Variants in CHRDL1 observed in about 807,000 individuals in gnomAD.
CHRDL1 encodes the protein chordin-like protein 1.
A neutral mutation model predicts 40.9 loss-of-function variants in CHRDL1; 19 were observed. That is an observed-to-expected ratio of 0.46 (90% CI 0.32 to 0.68). The LOEUF (loss-of-function observed/expected upper bound fraction) is 0.68. Among genes scored for constraint, CHRDL1 ranks in the 30% least tolerant of loss-of-function variants. CHRDL1 has a pLI of 0.03. For synonymous variants in CHRDL1, 136 were observed against 123.4 expected, an observed-to-expected ratio of 1.10 and a Z score of -0.68; for missense variants, 329 against 352.1, an observed-to-expected ratio of 0.93 and a Z score of 0.53.
chrX:110,739,951 T>G (rs2071332194), intron 4 of CHRDL1, among the ~76,000 whole-genome samples: 1 of 112,594 alleles, frequency 8.9e-6, no homozygotes, highest in Non-Finnish European at 1.9e-5. Flanking sequence ...AGGTCCAATT[T>G]TTCTCAGGCT....
chrX:110,759,637 A>G (rs1422783675), intron 4 of CHRDL1, 24 bp downstream of exon 4: 1 of 1,062,528 alleles, frequency 9.4e-7, no homozygotes, highest in Admixed American at 2.2e-5. Flanking sequence ...CACAGCTAGG[A>G]AAGAAAGAGA....
chrX:110,689,072 GTATATATATATATATATATATATA>G (rs758293619), intron 8 of CHRDL1, among the ~76,000 whole-genome samples: 2 of 31,191 alleles, frequency 6.4e-5, no homozygotes, highest in Non-Finnish European at 4.7e-5. Flanking sequence ...ATATATATAT[GTATATATATATATATATATATATA>G]TATATATATA....
chrX:110,758,818 A>T (rs188995992), intron 4 of CHRDL1, among the ~76,000 whole-genome samples: 2 of 111,927 alleles, frequency 1.8e-5, no homozygotes, highest in Admixed American at 1.9e-4. Flanking sequence ...GGGTTCTCTG[A>T]CCCTCAAAAG....
chrX:110,708,839 C>A (rs975327747), intron 6 of CHRDL1, among the ~76,000 whole-genome samples: 20 of 111,325 alleles, frequency 1.8e-4, no homozygotes, highest in African/African-American at 6.2e-4. Context: ...GAAACAGAAT[C>A]TTTGCTTCTC....
intron 8 of CHRDL1, among the ~76,000 whole-genome samples, chrX:110,689,464 A>C (rs1376033334): frequency 7.7e-5 from 4 of 52,287 alleles, no homozygotes; most frequent in African/African-American, 5.1e-4. Context: ...ATATCTATAT[A>C]TATCTATATA....
Position 110,675,216 on chromosome X carries a change from G to A in CHRDL1, c.*1015C>T, listed in dbSNP as rs2069749060. The stretch of plus-strand genomic sequence containing the variant: ...ATAATTTTTCTGACCAGACAACTAT[G>A]GTCTCAAAAATATTAGTGAGTACTG... On this transcript the variant is annotated 3_prime_UTR_variant, in exon 12 of 12. Coordinates refer to ENST00000372042, the MANE Select transcript of CHRDL1 (RefSeq NM_001143981.2). 1 of 111,516 alleles carries A rather than the reference G, an allele frequency of 9.0e-6. No individual in the cohort carries two copies. Among genetic ancestry groups the A allele is most frequent in the African/African-American group, 3.3e-5 (1 of 30,700 alleles). The allele number at this position is 111,516 out of a possible 1,213,427, so 9.2% of individuals were successfully genotyped here.
chrX:110,733,018 A>C (rs1454387616), intron 4 of CHRDL1, among the ~76,000 whole-genome samples: 2 of 112,390 alleles, frequency 1.8e-5, no homozygotes, highest in African/African-American at 6.5e-5. Context: ...GAAGCAACAT[A>C]CAACAAAGTC....
intron 7 of CHRDL1, among the ~76,000 whole-genome samples, chrX:110,700,304 C>A (rs780542983): frequency 9.0e-5 from 10 of 111,291 alleles, no homozygotes; most frequent in Non-Finnish European, 1.3e-4. Flanking sequence ...ATGGTTGTAT[C>A]CTACAACCCT....
At chrX:110,711,627 G>C (rs998072666) in intron 6 of CHRDL1, among the ~76,000 whole-genome samples, 5 of 111,947 alleles carry the variant, frequency 4.5e-5, no homozygotes, top group Non-Finnish European at 9.4e-5. Context: ...ATTTGGATTT[G>C]CTGTTATTTT....
intron 8 of CHRDL1, among the ~76,000 whole-genome samples, chrX:110,689,072 GTATATATATATATATATATA>G (rs758293619): frequency 6.4e-5 from 2 of 31,164 alleles, no homozygotes; most frequent in African/African-American, 4.9e-4. Context: ...ATATATATAT[GTATATATATATATATATATA>G]TATATATATA....
At chrX:110,747,159 T>A (rs1240598629) in intron 4 of CHRDL1, among the ~76,000 whole-genome samples, 1 of 110,812 alleles carries the variant, frequency 9.0e-6, no homozygotes, top group African/African-American at 3.3e-5. Context: ...CCAGCCTGAC[T>A]TCCTGGAAGC....
chrX:110,703,053 G>C (rs1218715143), intron 6 of CHRDL1, among the ~76,000 whole-genome samples: 4 of 111,996 alleles, frequency 3.6e-5, no homozygotes, highest in African/African-American at 1.3e-4. Flanking sequence ...GACCACCTCT[G>C]TATCTCCTAG....
At chrX:110,689,596 C>A (rs62595800) in intron 8 of CHRDL1, among the ~76,000 whole-genome samples, 479 of 2,980 alleles carry the variant, frequency 0.16, 17 homozygotes, top group Admixed American at 0.16. Flanking sequence ...ATCTATATAT[C>A]TATATATATC....
intron 9 of CHRDL1, among the ~76,000 whole-genome samples, chrX:110,685,500 C>T (rs898157480): frequency 2.7e-5 from 3 of 111,594 alleles, no homozygotes; most frequent in African/African-American, 9.8e-5. Flanking sequence ...TGGGCTCAAG[C>T]AATCTGTCCG....
chrX:110,703,157 C>T (rs949813253), intron 6 of CHRDL1, among the ~76,000 whole-genome samples: 2 of 111,396 alleles, frequency 1.8e-5, no homozygotes, highest in African/African-American at 3.3e-5. Context: ...CCAACCCATA[C>T]CTACTAAGTC....
At position 110,675,854 on chromosome X, in the gene CHRDL1, T is replaced by C. The variant is rs932032850; in HGVS notation, c.*377A>G. 4.6e-5 allele frequency: 6 copies of C among 130,069 alleles called. No individual in the cohort carries two copies. Among genetic ancestry groups the C allele is most frequent in the East Asian group, 4.0e-4 (2 of 4,981 alleles). The allele number at this position is 130,069 out of a possible 1,213,427, so 10.7% of individuals were successfully genotyped here. A position where few individuals can be genotyped will look rare whatever the true frequency, so the allele number is the denominator to read the frequency against. On this transcript the variant is annotated 3_prime_UTR_variant, in exon 12 of 12. Coordinates refer to ENST00000372042, the MANE Select transcript of CHRDL1 (RefSeq NM_001143981.2). Reference sequence around the variant, plus strand: ...TAATTTCATACAAGTAATTGTTCTATACTGCAGAACTCCTACTAAGCAATT... The same window carrying C: ...TAATTTCATACAAGTAATTGTTCTACACTGCAGAACTCCTACTAAGCAATT...
At chrX:110,785,913 A>G (rs1243562574) in intron 2 of CHRDL1, among the ~76,000 whole-genome samples, 3 of 112,481 alleles carry the variant, frequency 2.7e-5, no homozygotes, top group African/African-American at 9.7e-5. Flanking sequence ...AGATCATTCA[A>G]AGGGAAAGTA....
At position 110,676,361 on chromosome X, in the gene CHRDL1, C is replaced by T. The variant is rs372994575; in HGVS notation, c.1247G>A (p.Ser416Asn). Reference sequence around the variant, plus strand: ...TCCTTCGGTGAAGATCTTCCACTGGCCTAAAAGGCAAACAAACGCAAAGTG... The same window carrying T: ...TCCTTCGGTGAAGATCTTCCACTGGTCTAAAAGGCAAACAAACGCAAAGTG... ...HFKLVTRTTL[S>N]QWKIFTEGEA... The change falls in exon 12 of 12, where the codon AGC becomes AAC. Residue 416 changes from serine (S) to asparagine (N), a missense_variant and splice_region_variant. Physicochemically the swap from Ser to Asn is conservative, Grantham distance 46 (BLOSUM62 1). Transcript: ENST00000372042. The T allele has an allele frequency of 1.1e-5, 13 of 1,207,852 alleles. No homozygotes were observed. The African/African-American group carries it at 1.9e-4, about 18-fold the overall frequency.
At chrX:110,756,780 A>T (rs2089461478) in intron 4 of CHRDL1, among the ~76,000 whole-genome samples, 1 of 112,166 alleles carries the variant, frequency 8.9e-6, no homozygotes, top group South Asian at 3.7e-4. Context: ...GAAAATTCAG[A>T]ACTAAGAAAA....
Sources: gnomAD v4.1 joint callset for allele counts (sites outside exome capture counted in the v4.1 genomes callset) on GRCh38, gnomAD v4.1.1 for gene constraint, MANE v1.5 for transcripts, NCBI Gene and HGNC (gene_info 2026-07-23, HGNC 2026-07-21) for gene names.